Variants in KAZN observed in about 807,000 individuals in gnomAD.
KAZN encodes the protein kazrin, periplakin interacting protein, also known as kazrin.
A neutral mutation model predicts 87.4 loss-of-function variants in KAZN; 40 were observed. The observed-to-expected ratio is 0.46, with a 90% confidence interval of 0.36 to 0.60. The LOEUF (loss-of-function observed/expected upper bound fraction) is 0.60. Among genes scored for constraint, KAZN ranks in the 20% least tolerant of loss-of-function variants. KAZN has a pLI of 0.00. For synonymous variants in KAZN, 466 were observed against 458.3 expected (o/e 1.02, Z -0.22); for missense variants, 898 against 1,073.9 (o/e 0.84, Z 2.29).
chr1:14,244,909 A>G (rs1416553721), intron 2 of KAZN, among the ~76,000 whole-genome samples: 1 of 151,992 alleles, frequency 6.6e-6, no homozygotes, highest in East Asian at 1.9e-4. Flanking sequence ...TAGTATTCTG[A>G]GCAGAAGAGA....
intron 1 of KAZN, among the ~76,000 whole-genome samples, chr1:14,761,330 A>G (rs1390225881): frequency 6.6e-6 from 1 of 152,060 alleles, no homozygotes; most frequent in African/African-American, 2.4e-5. Context: ...CAGATCTACT[A>G]TGTCTCCTCC....
At chr1:13,960,052 CG>C (rs1641693932) in intron 1 of KAZN, among the ~76,000 whole-genome samples, 1 of 151,856 alleles carries the variant, frequency 6.6e-6, no homozygotes, top group Non-Finnish European at 1.5e-5. Flanking sequence ...ACCCCACCCC[CG>C]CCTTCACAAA....
intron 2 of KAZN, among the ~76,000 whole-genome samples, chr1:14,505,680 G>A (rs186123269): frequency 1.2e-4 from 19 of 152,264 alleles, no homozygotes; most frequent in Admixed American, 3.9e-4. Flanking sequence ...AGTTTGAGAT[G>A]ATGAAAAAGT....
rs1177943031 is a variant in KAZN, at chr1:13,932,178, C to G, written c.91+38422C>G. On this transcript the variant is annotated intron_variant, in intron 1 of 16. Coordinates refer to the KAZN transcript ENST00000636203. The stretch of plus-strand genomic sequence containing the variant: ...CAGTCAAGTTTTACATTTAATAACT[C>G]ATATATACAAGAAGGAATAAGTTAT... 2.0e-5 allele frequency among the ~76,000 whole-genome samples: 3 copies of G among 151,466 alleles called. No individual in the cohort carries two copies. In the East Asian group the frequency reaches 5.8e-4, roughly 29 times the overall value.
At chr1:14,822,087 T>C (rs930517013) in intron 1 of KAZN, among the ~76,000 whole-genome samples, 1 of 152,218 alleles carries the variant, frequency 6.6e-6, no homozygotes, top group Non-Finnish European at 1.5e-5. Flanking sequence ...AGTTTCCTGG[T>C]TCCCCACCTC....
At chr1:13,926,970 G>A (rs140950629) in intron 1 of KAZN, among the ~76,000 whole-genome samples, 137 of 152,198 alleles carry the variant, frequency 9.0e-4, no homozygotes, top group African/African-American at 2.9e-3. Flanking sequence ...TGCATTTGTC[G>A]TAAAGTGCCT....
At chr1:14,291,288 G>C (rs1653669946) in intron 2 of KAZN, among the ~76,000 whole-genome samples, 1 of 152,190 alleles carries the variant, frequency 6.6e-6, no homozygotes, top group Admixed American at 6.5e-5. Context: ...CCTGCCCCCA[G>C]AGGTGGAATC....
intron 1 of KAZN, among the ~76,000 whole-genome samples, chr1:14,921,557 G>A (rs1052217532): frequency 6.6e-6 from 1 of 152,260 alleles, no homozygotes; most frequent in African/African-American, 2.4e-5. Context: ...ATTCCTGCCT[G>A]ACAACAATCT....
intron 1 of KAZN, among the ~76,000 whole-genome samples, chr1:14,841,503 T>G (rs1321832379): frequency 6.6e-6 from 1 of 150,608 alleles, no homozygotes; most frequent in Non-Finnish European, 1.5e-5. Flanking sequence ...GGCCAAAGAT[T>G]TACATTTCCT....
intron 1 of KAZN, among the ~76,000 whole-genome samples, chr1:14,749,285 A>G (rs1644347795): frequency 6.6e-6 from 1 of 152,232 alleles, no homozygotes; most frequent in East Asian, 1.9e-4. Context: ...TTGATGTTCC[A>G]GGTGGAAATC....
intron 4 of KAZN, among the ~76,000 whole-genome samples, chr1:15,046,190 C>T (rs556057682): frequency 4.6e-4 from 69 of 151,086 alleles, no homozygotes; most frequent in South Asian, 3.8e-3. Context: ...CCCAGTTACT[C>T]GGGAGGCTGA....
chr1:14,218,564 T>C (rs575401643), intron 2 of KAZN, among the ~76,000 whole-genome samples: 1 of 152,296 alleles, frequency 6.6e-6, no homozygotes, highest in South Asian at 2.1e-4. Flanking sequence ...AAGGAACTAA[T>C]GATTTTCCCA....
At chr1:14,600,821 T>G (rs1676907973) in intron 1 of KAZN, among the ~76,000 whole-genome samples, 1 of 152,230 alleles carries the variant, frequency 6.6e-6, no homozygotes, top group Non-Finnish European at 1.5e-5. Context: ...GCTCGTTTAT[T>G]TCCCACTGTC....
chr1:14,501,091 AT>A (rs1670217923), intron 2 of KAZN, among the ~76,000 whole-genome samples: 1 of 70,724 alleles, frequency 1.4e-5, no homozygotes, highest in African/African-American at 5.3e-5. Flanking sequence ...AAATAAATAA[AT>A]AAATAAATAA....
At chr1:14,909,819 C>A (rs1182823360) in intron 1 of KAZN, among the ~76,000 whole-genome samples, 1 of 152,138 alleles carries the variant, frequency 6.6e-6, no homozygotes, top group East Asian at 1.9e-4. Flanking sequence ...CTGAGGCAGG[C>A]GGATCACCTG....
intron 1 of KAZN, among the ~76,000 whole-genome samples, chr1:13,949,727 AGTT>A (rs1464118898): frequency 6.6e-6 from 1 of 152,200 alleles, no homozygotes; most frequent in Non-Finnish European, 1.5e-5. Context: ...GTCAGCTAGA[AGTT>A]GTCTTTCCCA....
intron 1 of KAZN, among the ~76,000 whole-genome samples, chr1:14,655,724 G>A (rs765508562): frequency 1.1e-4 from 16 of 152,184 alleles, no homozygotes; most frequent in Non-Finnish European, 5.9e-5. Flanking sequence ...AAAGCCTCTC[G>A]AACTTTTGCA....
At chr1:14,510,967 C>G (rs116658979) in intron 2 of KAZN, among the ~76,000 whole-genome samples, 18 of 152,172 alleles carry the variant, frequency 1.2e-4, no homozygotes, top group Non-Finnish European at 2.4e-4. Context: ...TTAACTAGAC[C>G]AAGAGGTCTC....
upstream of KAZN, among the ~76,000 whole-genome samples, chr1:14,594,568 T>C (rs1022309769): frequency 1.3e-5 from 2 of 152,146 alleles, no homozygotes; most frequent in Admixed American, 6.5e-5. Flanking sequence ...AGTGGACCCA[T>C]TTTCTGTCTT....
Sources: allele counts gnomAD v4.1 joint callset (sites outside exome capture counted in the v4.1 genomes callset), GRCh38; gene constraint gnomAD v4.1.1; transcripts MANE v1.5; gene names NCBI Gene and HGNC (gene_info 2026-07-23, HGNC 2026-07-21).